The following IL12RB2 variants were observed in gnomAD, a reference collection of about 807,000 sequenced individuals.
The protein encoded by IL12RB2 is interleukin-12 receptor subunit beta-2.
A neutral mutation model predicts 89.4 loss-of-function variants in IL12RB2; 82 were observed. The ratio of observed to expected loss-of-function variants is 0.92; its 90% CI spans 0.77 to 1.10. IL12RB2 has a LOEUF of 1.10. Ranked by LOEUF, IL12RB2 falls within the 50% of genes least tolerant of loss-of-function variation. IL12RB2 has a pLI of 0.00. For synonymous variants in IL12RB2, 368 were observed against 370.1 expected (o/e 0.99, Z 0.07); for missense variants, 963 against 1,031.9 (o/e 0.93, Z 0.92).
In IL12RB2 at chr1:67,313,907, T is replaced by C. The variant is rs1655421046; in HGVS notation, c.-124-6T>C. 1 of 152,224 alleles carries C rather than the reference T, an allele frequency of 6.6e-6. No individual in the cohort carries two copies. Among genetic ancestry groups the C allele is most frequent in the African/African-American group, 2.4e-5 (1 of 41,444 alleles). The allele number at this position is 152,224 out of a possible 1,614,324, so 9.4% of individuals were successfully genotyped here. On this transcript the variant is annotated splice_polypyrimidine_tract_variant and splice_region_variant and intron_variant, in intron 1 of 16. Coordinates refer to ENST00000674203, the MANE Select transcript of IL12RB2 (RefSeq NM_001374259.2). ...GAACTTGAGCAAGTCCCCTCTTTTT[T>C]TCTAGGTCACGGTGATCCATTTGTA...
intron 10 of IL12RB2, among the ~76,000 whole-genome samples, chr1:67,363,366 G>A (rs540068136): frequency 1.8e-4 from 28 of 151,844 alleles, no homozygotes; most frequent in African/African-American, 6.5e-4. Context: ...ACAGGCATGT[G>A]CCACCATGCC....
chr1:67,349,945 A>T (rs546936633), intron 9 of IL12RB2, among the ~76,000 whole-genome samples: 184 of 152,384 alleles, frequency 1.2e-3, no homozygotes, highest in African/African-American at 4.2e-3. Context: ...TAATCGACAG[A>T]GGAAACCAAA....
intron 4 of IL12RB2, among the ~76,000 whole-genome samples, chr1:67,323,672 A>G (rs2100618312): frequency 6.6e-6 from 1 of 152,336 alleles, no homozygotes. Context: ...GACATTTTAA[A>G]CTATGCTCAA....
chr1:67,344,749 A>G (rs947906646), intron 9 of IL12RB2, among the ~76,000 whole-genome samples: 1 of 152,220 alleles, frequency 6.6e-6, no homozygotes, highest in African/African-American at 2.4e-5. Context: ...CACATTGGTT[A>G]AGACTTCACC....
chr1:67,382,664 T>A lies in IL12RB2; in HGVS notation c.1855+2541T>A, dbSNP rs76330935. ...TTTTTCTGGTCTGGTCTTCCTTTGT[T>A]AGCTTATCCATTTAGCTGGCTCCTA... On this transcript the variant is annotated intron_variant, in intron 14 of 16. Transcript: ENST00000674203. 9.5e-3 allele frequency among the ~76,000 whole-genome samples: 1,439 copies of A among 151,950 alleles called. 21 individuals are homozygous for A. Among genetic ancestry groups the A allele is most frequent in the African/African-American group, 0.033 (1,364 of 41,434 alleles).
intron 10 of IL12RB2, among the ~76,000 whole-genome samples, chr1:67,358,311 C>T (rs888571553): frequency 6.6e-6 from 1 of 152,192 alleles, no homozygotes; most frequent in African/African-American, 2.4e-5. Context: ...CATGGTGGCT[C>T]ACGCCTGTAA....
intron 13 of IL12RB2, among the ~76,000 whole-genome samples, chr1:67,379,196 C>CA (rs957390517): frequency 1.9e-4 from 29 of 150,088 alleles, no homozygotes; most frequent in East Asian, 7.8e-4. Context: ...GACTCCATCT[C>CA]AAAAAAAATA....
chr1:67,372,726 C>T lies in IL12RB2; in HGVS notation c.1660C>T (p.Leu554Phe). 6.2e-7 allele frequency: 1 copy of T among 1,603,602 alleles called. No homozygotes were observed. The highest frequency in any genetic ancestry group is 8.5e-7 in the Non-Finnish European group (1 of 1,170,322). Reference protein sequence around the residue: ...IPVQEQMGCLLHYRIYWKERD... With the variant: ...IPVQEQMGCLFHYRIYWKERD... ...AGTCCAGGAGCAAATGGGCTGCCTC[C>T]TCCATTATAGGATATACTGGAAGGA... The change falls in exon 13 of 17, where the codon CTC becomes TTC. Residue 554 changes from leucine to phenylalanine, a missense_variant. By Grantham distance (22) the Leu-to-Phe change is conservative. Coordinates refer to ENST00000674203, the MANE Select transcript of IL12RB2 (RefSeq NM_001374259.2).
chr1:67,369,927 C>T (rs755824354), intron 11 of IL12RB2, among the ~76,000 whole-genome samples: 20 of 145,464 alleles, frequency 1.4e-4, no homozygotes, highest in Admixed American at 2.8e-4. Context: ...GAGGCTAAGG[C>T]AAGATAATTG....
At chr1:67,335,214 C>T (rs1569861098) in intron 8 of IL12RB2, among the ~76,000 whole-genome samples, 1 of 152,048 alleles carries the variant, frequency 6.6e-6, no homozygotes, top group African/African-American at 2.4e-5. Flanking sequence ...GAAAAGAGTC[C>T]AGCAGAGAAG....
At chr1:67,315,100 A>T (rs1655595115) in intron 2 of IL12RB2, among the ~76,000 whole-genome samples, 1 of 152,158 alleles carries the variant, frequency 6.6e-6, no homozygotes, top group Non-Finnish European at 1.5e-5. Flanking sequence ...CCTGGTAGTC[A>T]GAGAAAATGA....
At chr1:67,376,703 CGTGTGTGT>C (rs59880609) in intron 13 of IL12RB2, among the ~76,000 whole-genome samples, 1 of 150,790 alleles carries the variant, frequency 6.6e-6, no homozygotes, top group Non-Finnish European at 1.5e-5. Flanking sequence ...AATATGTGTG[CGTGTGTGT>C]GTGTGTATGT....
intron 1 of IL12RB2, among the ~76,000 whole-genome samples, chr1:67,309,059 T>TATATATATATAC (rs1286557310): frequency 1.3e-5 from 2 of 151,340 alleles, no homozygotes; most frequent in African/African-American, 4.9e-5. Flanking sequence ...TATATATATA[T>TATATATATATAC]ACACACACAC....
At chr1:67,362,221 A>C (rs932982492) in intron 10 of IL12RB2, among the ~76,000 whole-genome samples, 2 of 151,748 alleles carry the variant, frequency 1.3e-5, no homozygotes, top group Non-Finnish European at 2.9e-5. Flanking sequence ...CAGTGAGCCA[A>C]AATCACGCCA....
intron 8 of IL12RB2, among the ~76,000 whole-genome samples, chr1:67,338,318 C>A (rs1659065638): frequency 1.3e-5 from 1 of 78,428 alleles, no homozygotes; most frequent in African/African-American, 4.6e-5. Flanking sequence ...GCCGAGGCAA[C>A]AGAGCAAGAT....
chr1:67,378,848 CAAAA>C (rs56260019), intron 13 of IL12RB2, among the ~76,000 whole-genome samples: 25 of 91,892 alleles, frequency 2.7e-4, no homozygotes, highest in Non-Finnish European at 4.4e-4. Flanking sequence ...AGACTCTTCT[CAAAA>C]AAAAAAAAAA....
In IL12RB2 at chr1:67,395,951, C is replaced by T; in HGVS notation, c.2451C>T (p.Asp817=). ...CCTCACATGAGGCACCTCTCGCTGA[C>T]TCTCTGGAAGAACTGGAGCCTCAGC... The part of the protein sequence containing the change: ...DLPSHEAPLA[D]SLEELEPQHI... Residue 817 remains aspartate, a synonymous_variant, in exon 17 of 17, where the codon GAC becomes GAT. Coordinates refer to ENST00000674203, the MANE Select transcript of IL12RB2 (RefSeq NM_001374259.2). The T allele has an allele frequency of 6.2e-7, 1 of 1,611,436 alleles. No individual in the cohort carries two copies. Among genetic ancestry groups the T allele is most frequent in the Non-Finnish European group, 8.5e-7 (1 of 1,177,460 alleles).
Position 67,328,194 on chromosome 1 carries a change from TTA to T in IL12RB2, c.480-5_480-4del. On this transcript the variant is annotated splice_region_variant and splice_polypyrimidine_tract_variant and intron_variant, in intron 5 of 16. Coordinates refer to ENST00000674203, the MANE Select transcript of IL12RB2 (RefSeq NM_001374259.2). ...GTTGCTACACGTGGTTGTGTTTTGT[TTA>T]CAGGCTAAGTGGACCAAAAAATTTA... 6.2e-7 allele frequency: 1 copy of T among 1,603,206 alleles called. No individual in the cohort carries two copies.
intron 15 of IL12RB2, among the ~76,000 whole-genome samples, chr1:67,387,700 C>CGAAAA (rs1665362420): frequency 9.9e-6 from 1 of 100,746 alleles, no homozygotes; most frequent in Non-Finnish European, 1.9e-5. Context: ...AAGACTGTCT[C>CGAAAA]AAAAAAAAAA....
Sources: allele counts gnomAD v4.1 joint callset (sites outside exome capture counted in the v4.1 genomes callset), GRCh38; gene constraint gnomAD v4.1.1; transcripts MANE v1.5; gene names NCBI Gene and HGNC (gene_info 2026-07-23, HGNC 2026-07-21).